Variants in AGBL4 observed in about 807,000 individuals in gnomAD.
AGBL4 encodes the protein cytosolic carboxypeptidase 6.
AGBL4 carries 58 observed loss-of-function variants against 66.4 expected under a neutral mutation model. That is an observed-to-expected ratio of 0.87 (90% CI 0.71 to 1.09). The LOEUF (loss-of-function observed/expected upper bound fraction) is 1.09, where lower values mean the gene tolerates loss of function less well. Ranked by LOEUF, AGBL4 falls within the 50% of genes least tolerant of loss-of-function variation. The pLI is 0.00. For missense variants in AGBL4, 579 were observed against 631.0 expected, an observed-to-expected ratio of 0.92 and a Z score of 0.88; for synonymous variants, 234 against 222.9, an observed-to-expected ratio of 1.05 and a Z score of -0.44.
At chr1:49,927,773 G>C (rs531507242) in intron 1 of AGBL4, among the ~76,000 whole-genome samples, 2 of 151,476 alleles carry the variant, frequency 1.3e-5, no homozygotes, top group Non-Finnish European at 2.9e-5. Flanking sequence ...ACCTTAAAGA[G>C]GAAGGAGAAA....
chr1:49,009,832 T>C (rs139738923), intron 5 of AGBL4, among the ~76,000 whole-genome samples: 4,359 of 152,190 alleles, frequency 0.029, 72 homozygotes, highest in Non-Finnish European at 0.043. Flanking sequence ...TCAACAACCA[T>C]TCATGCTAGA....
At chr1:48,758,960 T>TC in intron 6 of AGBL4, 1 of 1,603,678 alleles carries the variant, frequency 6.2e-7, no homozygotes, top group Non-Finnish European at 8.5e-7. Context: ...CGGAGCTCCT[T>TC]CATTTCAGAC....
At chr1:49,360,171 A>G (rs560818061) in intron 3 of AGBL4, among the ~76,000 whole-genome samples, 1 of 152,316 alleles carries the variant, frequency 6.6e-6, no homozygotes, top group African/African-American at 2.4e-5. Flanking sequence ...CATTCCATAA[A>G]GATCCTAGCA....
intron 1 of AGBL4, among the ~76,000 whole-genome samples, chr1:49,959,559 A>T (rs1243069745): frequency 1.3e-5 from 2 of 152,098 alleles, no homozygotes; most frequent in African/African-American, 4.8e-5. Flanking sequence ...TTCTTGGACG[A>T]ATTAATAAAT....
intron 3 of AGBL4, among the ~76,000 whole-genome samples, chr1:49,516,288 G>A (rs1007667470): frequency 3.3e-5 from 5 of 151,936 alleles, no homozygotes; most frequent in Admixed American, 3.3e-4. Flanking sequence ...GAAAGTCCAA[G>A]GTGCCATGAG....
At chr1:49,427,810 T>C (rs1645698275) in intron 3 of AGBL4, among the ~76,000 whole-genome samples, 1 of 152,234 alleles carries the variant, frequency 6.6e-6, no homozygotes, top group Non-Finnish European at 1.5e-5. Context: ...TTTTATTCCC[T>C]TATTTGGCCC....
Position 49,179,824 on chromosome 1 carries a change from TG to T in AGBL4, c.377+65945del, listed in dbSNP as rs761476918. ...AATTCAGGCTTTCAGCCACACTGCA[TG>T]GGTTCTAACTCTAGCTCTGCCTCCT... On this transcript the variant is annotated intron_variant, in intron 4 of 13. Transcript: ENST00000371839. Among the ~76,000 whole-genome samples the T allele has an allele frequency of 1.2e-4, 18 of 152,346 alleles. 1 individual carries two copies. Among genetic ancestry groups the T allele is most frequent in the Admixed American group, 5.2e-4 (8 of 15,300 alleles).
At chr1:48,618,753 T>A (rs915560760) in intron 9 of AGBL4, among the ~76,000 whole-genome samples, 1 of 152,172 alleles carries the variant, frequency 6.6e-6, no homozygotes, top group Admixed American at 6.5e-5. Context: ...AGATCCCAGA[T>A]CCTAATTTAC....
chr1:49,537,490 AC>A (rs1455058205), intron 3 of AGBL4, among the ~76,000 whole-genome samples: 1 of 152,240 alleles, frequency 6.6e-6, no homozygotes, highest in Non-Finnish European at 1.5e-5. Context: ...GGAAAGGGAC[AC>A]GAATATTTTA....
intron 5 of AGBL4, among the ~76,000 whole-genome samples, chr1:48,975,191 C>T (rs1659218756): frequency 6.6e-6 from 1 of 152,094 alleles, no homozygotes; most frequent in Non-Finnish European, 1.5e-5. Flanking sequence ...AAATAAGTTG[C>T]TATATTTTGT....
At chr1:49,745,186 G>T (rs1650887324) in intron 2 of AGBL4, among the ~76,000 whole-genome samples, 1 of 152,122 alleles carries the variant, frequency 6.6e-6, no homozygotes, top group East Asian at 1.9e-4. Flanking sequence ...AGTAAAAAAT[G>T]CAAAGAGAAT....
chr1:49,058,311 G>T (rs1219247311), intron 4 of AGBL4, among the ~76,000 whole-genome samples: 1 of 152,068 alleles, frequency 6.6e-6, no homozygotes, highest in Non-Finnish European at 1.5e-5. Context: ...TGAATCATGG[G>T]GGCGGTTACC....
intron 4 of AGBL4, among the ~76,000 whole-genome samples, chr1:49,194,721 G>A (rs1647192788): frequency 6.6e-6 from 1 of 152,128 alleles, no homozygotes; most frequent in Non-Finnish European, 1.5e-5. Context: ...ATACTGAGGG[G>A]ACTGTACACA....
intron 1 of AGBL4, among the ~76,000 whole-genome samples, chr1:49,912,734 T>C (rs948126735): frequency 3.7e-4 from 56 of 152,012 alleles, no homozygotes; most frequent in African/African-American, 1.4e-3. Context: ...CTAGGTAGTT[T>C]ATAAGAAAAA....
chr1:48,708,596 T>C (rs1310809656), intron 6 of AGBL4, among the ~76,000 whole-genome samples: 1 of 152,192 alleles, frequency 6.6e-6, no homozygotes, highest in Non-Finnish European at 1.5e-5. Flanking sequence ...TGGCACCTAC[T>C]GAAATCTTCT....
At position 48,680,580 on chromosome 1, in the gene AGBL4, C is replaced by T. The variant is rs538140428; in HGVS notation, c.635-17339G>A. On this transcript the variant is annotated intron_variant, in intron 6 of 13. Coordinates refer to ENST00000371839, the MANE Select transcript of AGBL4 (RefSeq NM_032785.4). ...CCCCAGGAAGTTAGAAAAACCACAA[C>T]GAATTTCAGTGGCACATGCTGAAAA... 1.2e-4 allele frequency among the ~76,000 whole-genome samples: 18 copies of T among 152,336 alleles called. No homozygotes were observed. In the South Asian group the frequency reaches 3.5e-3, roughly 30 times the overall value.
intron 4 of AGBL4, among the ~76,000 whole-genome samples, chr1:49,060,938 G>C (rs779694174): frequency 5.1e-4 from 77 of 152,138 alleles, no homozygotes; most frequent in Non-Finnish European, 8.7e-4. Context: ...GTCAAATCCA[G>C]GGAGCTTAGC....
intron 4 of AGBL4, among the ~76,000 whole-genome samples, chr1:49,075,071 C>T (rs190921040): frequency 6.6e-6 from 1 of 152,306 alleles, no homozygotes; most frequent in African/African-American, 2.4e-5. Context: ...ATTCCCTGGA[C>T]ATTTCACTCA....
At chr1:48,982,785 C>T (rs1415314646) in intron 5 of AGBL4, among the ~76,000 whole-genome samples, 3 of 152,116 alleles carry the variant, frequency 2.0e-5, no homozygotes, top group Admixed American at 6.5e-5. Context: ...ACACTGACTT[C>T]CCCAATGGTT....
Sources: allele counts gnomAD v4.1 joint callset (sites outside exome capture counted in the v4.1 genomes callset), GRCh38; gene constraint gnomAD v4.1.1; transcripts MANE v1.5; gene names NCBI Gene and HGNC (gene_info 2026-07-23, HGNC 2026-07-21).